The following LAMP1 variants were observed in gnomAD, a reference collection of about 807,000 sequenced individuals.
The protein encoded by LAMP1 is lysosome-associated membrane glycoprotein 1.
Under a neutral mutation model 37.5 loss-of-function variants are expected in LAMP1, and 7 were observed. The observed-to-expected ratio is 0.19, with a 90% confidence interval of 0.11 to 0.35. The LOEUF (loss-of-function observed/expected upper bound fraction) is 0.35. Among genes scored for constraint, LAMP1 ranks in the 10% least tolerant of loss-of-function variants. LAMP1 has a pLI of 1.00. For missense variants in LAMP1, 537 were observed against 552.8 expected (o/e 0.97, Z 0.29); for synonymous variants, 236 against 229.1 (o/e 1.03, Z -0.27).
chr13:113,301,640 AAAAAATATATATATATATATAT>A (rs1196128375), intron 1 of LAMP1, among the ~76,000 whole-genome samples: 1,122 of 75,046 alleles, frequency 0.015, 78 homozygotes, highest in Middle Eastern at 0.024. Context: ...AAAAAAAAAA[AAAAAATATATATATATATATAT>A]ATATATATAT....
rs559462906 is a variant in LAMP1, at chr13:113,319,483, C to G, written c.577C>G (p.Gln193Glu). 1.2e-6 allele frequency: 2 copies of G among 1,611,804 alleles called. No individual in the cohort carries two copies. Among genetic ancestry groups the G allele is most frequent in the African/African-American group, 1.3e-5 (1 of 75,010 alleles). The change falls in exon 5 of 9, where the codon CAA becomes GAA. Residue 193 changes from glutamine (Q) to glutamate (E), a missense_variant. Physicochemically the swap from Gln to Glu is conservative, Grantham distance 29. Coordinates refer to ENST00000332556, the MANE Select transcript of LAMP1 (RefSeq NM_005561.4). Reference protein sequence around the residue: ...SFSRGETRCEQDRPSPTTAPP... With the variant: ...SFSRGETRCEEDRPSPTTAPP... ...TGCACCTGCAGAGACACGCTGTGAACAAGACAGGCCTTCCCCAACCACAGC... is the reference window on the plus strand; with the variant it reads ...TGCACCTGCAGAGACACGCTGTGAAGAAGACAGGCCTTCCCCAACCACAGC...
intron 1 of LAMP1, among the ~76,000 whole-genome samples, chr13:113,302,886 C>G (rs1263896794): frequency 6.6e-6 from 1 of 152,222 alleles, no homozygotes; most frequent in African/African-American, 2.4e-5. Context: ...GTTGACCTCT[C>G]TATGCCTTAA....
intron 2 of LAMP1, among the ~76,000 whole-genome samples, chr13:113,306,822 A>G (rs922252652): frequency 4.9e-4 from 47 of 96,858 alleles, no homozygotes; most frequent in African/African-American, 1.4e-3. Flanking sequence ...ACTGTTCATC[A>G]TGAACATTTT....
At chr13:113,302,167 A>G (rs912260465) in intron 1 of LAMP1, among the ~76,000 whole-genome samples, 2 of 149,034 alleles carry the variant, frequency 1.3e-5, no homozygotes, top group African/African-American at 5.0e-5. Flanking sequence ...CCAGCCTAAG[A>G]TGTAATTTCT....
chr13:113,304,301 G>A (rs948653582), intron 1 of LAMP1, among the ~76,000 whole-genome samples: 3 of 152,184 alleles, frequency 2.0e-5, no homozygotes, highest in Non-Finnish European at 4.4e-5. Context: ...TCACCTGAGG[G>A]CGGGGTGGGC....
At chr13:113,302,728 C>T (rs895979557) in intron 1 of LAMP1, among the ~76,000 whole-genome samples, 3 of 152,166 alleles carry the variant, frequency 2.0e-5, no homozygotes, top group African/African-American at 7.2e-5. Context: ...CTGCACCCAG[C>T]CAGTGTTTCC....
chr13:113,306,736 G>A (rs909762111), intron 2 of LAMP1, 130 bp downstream of exon 2: 3 of 1,002,050 alleles, frequency 3.0e-6, no homozygotes, highest in Non-Finnish European at 4.3e-6. Context: ...ATCTCCTTCT[G>A]GTGTTGTCAG....
chr13:113,298,864 C>T (rs1363841431), intron 1 of LAMP1, among the ~76,000 whole-genome samples: 2 of 152,240 alleles, frequency 1.3e-5, no homozygotes, highest in Admixed American at 6.5e-5. Context: ...CACTTCAGGC[C>T]GGGAGCAGTG....
intron 1 of LAMP1, among the ~76,000 whole-genome samples, chr13:113,304,742 G>A (rs57187126): frequency 0.075 from 11,312 of 151,242 alleles, 1,339 homozygotes; most frequent in African/African-American, 0.26. Context: ...CTGCAACCTC[G>A]GCCTCCCTGG....
At chr13:113,308,061 C>G (rs1371216741) in intron 2 of LAMP1, among the ~76,000 whole-genome samples, 2 of 151,456 alleles carry the variant, frequency 1.3e-5, no homozygotes, top group Admixed American at 1.3e-4. Flanking sequence ...CCCCAGGTGG[C>G]TGGAGTACAG....
At chr13:113,299,333 C>T (rs914267617) in intron 1 of LAMP1, among the ~76,000 whole-genome samples, 61 of 151,428 alleles carry the variant, frequency 4.0e-4, no homozygotes, top group Admixed American at 1.9e-3. Context: ...GGCACAACCT[C>T]GGCTCACTAC....
chr13:113,310,098 G>A (rs897645414), intron 3 of LAMP1, among the ~76,000 whole-genome samples: 3 of 151,962 alleles, frequency 2.0e-5, no homozygotes, highest in Non-Finnish European at 4.4e-5. Context: ...GTGTGGTGGC[G>A]GGCACCTGTA....
intron 1 of LAMP1, among the ~76,000 whole-genome samples, chr13:113,300,171 C>T (rs1034584148): frequency 3.3e-5 from 5 of 152,156 alleles, no homozygotes; most frequent in South Asian, 4.1e-4. Context: ...ACAACTGTCA[C>T]TTAGGAGGTT....
In LAMP1 at chr13:113,320,483, C is replaced by A; in HGVS notation, c.876+13C>A. 6.2e-7 allele frequency: 1 copy of A among 1,603,540 alleles called. No homozygotes were observed. The highest frequency in any genetic ancestry group is 8.5e-7 in the Non-Finnish European group (1 of 1,178,858). The stretch of plus-strand genomic sequence containing the variant: ...CCAGTTCGGGATGGTGAGGCTGGGG[C>A]GGCACCTCTCTGGGGGCGCCCACTG... On this transcript the variant is annotated intron_variant, in intron 6 of 8. Coordinates refer to ENST00000332556, the MANE Select transcript of LAMP1 (RefSeq NM_005561.4). This position sits in a 1 kb window ranked among gnomAD's most constrained non-coding sequence, Gnocchi z 4.4.
chr13:113,315,582 C>T (rs1028040970), intron 4 of LAMP1, among the ~76,000 whole-genome samples: 2 of 150,832 alleles, frequency 1.3e-5, no homozygotes, highest in South Asian at 2.1e-4. Context: ...TAGAGGGGGG[C>T]GTTGCACCAT....
chr13:113,307,796 T>TAA (rs56233302), intron 2 of LAMP1, among the ~76,000 whole-genome samples: 55 of 141,636 alleles, frequency 3.9e-4, no homozygotes, highest in Admixed American at 6.4e-4. Flanking sequence ...ATCTCTTTTT[T>TAA]AAAAAAAAAA....
chr13:113,298,207 A>C (rs755399016), intron 1 of LAMP1, among the ~76,000 whole-genome samples: 3 of 152,178 alleles, frequency 2.0e-5, no homozygotes, highest in Non-Finnish European at 4.4e-5. Flanking sequence ...CCGTTCCTGT[A>C]GGCCGAAATG....
rs767011191 is a variant in LAMP1, at chr13:113,316,028, G to A, written c.563-3441G>A. ...TGAGGCAGGAGAATTGCTTGAACCCGAGAGGTGGAGGTTGCAGTGAGCTGA... is the reference window on the plus strand; with the variant it reads ...TGAGGCAGGAGAATTGCTTGAACCCAAGAGGTGGAGGTTGCAGTGAGCTGA... On this transcript the variant is annotated intron_variant, in intron 4 of 8. Coordinates refer to ENST00000332556, the MANE Select transcript of LAMP1 (RefSeq NM_005561.4). Among the ~76,000 whole-genome samples the A allele has an allele frequency of 2.3e-4, 35 of 152,126 alleles. 1 individual carries two copies. Among genetic ancestry groups the A allele is most frequent in the Non-Finnish European group, 4.1e-4 (28 of 68,026 alleles).
At chr13:113,309,915 T>C in intron 3 of LAMP1, 53 bp downstream of exon 3, 3 of 1,425,596 alleles carry the variant, frequency 2.1e-6, no homozygotes, top group South Asian at 1.2e-5. Context: ...GGTTGGAGGA[T>C]TGTCTAAAGT....
Sources: allele counts gnomAD v4.1 joint callset (sites outside exome capture counted in the v4.1 genomes callset), GRCh38; gene constraint gnomAD v4.1.1; non-coding constraint Gnocchi (gnomAD v3.1); transcripts MANE v1.5; gene names NCBI Gene and HGNC (gene_info 2026-07-23, HGNC 2026-07-21).